Variants in CES4A observed in about 807,000 individuals in gnomAD.
The protein encoded by CES4A is carboxylesterase 6.
A neutral mutation model predicts 65.4 loss-of-function variants in CES4A; 48 were observed. The ratio of observed to expected loss-of-function variants is 0.73; its 90% CI spans 0.58 to 0.93. The LOEUF is 0.93. Ranked by LOEUF, CES4A falls within the 40% of genes least tolerant of loss-of-function variation. CES4A has a pLI of 0.00. For missense variants in CES4A, 685 were observed against 728.5 expected (o/e 0.94, Z 0.69); for synonymous variants, 247 against 281.8 (o/e 0.88, Z 1.24).
At chr16:66,999,341 C>T (rs1191756613) in intron 2 of CES4A, among the ~76,000 whole-genome samples, 1 of 152,134 alleles carries the variant, frequency 6.6e-6, no homozygotes, top group Non-Finnish European at 1.5e-5. Context: ...GTGAGGTGGC[C>T]GGAGAGCCCA....
downstream of CES4A, among the ~76,000 whole-genome samples, chr16:67,010,313 G>A (rs546941696): frequency 8.4e-4 from 127 of 151,866 alleles, no homozygotes; most frequent in Admixed American, 1.3e-3. Flanking sequence ...TAATCCACCC[G>A]TCTCAGCCTG....
rs1965367367 is a variant in CES4A at position 67,001,688 on chromosome 16, G to A, written c.690+227G>A. Among the ~76,000 whole-genome samples the A allele has an allele frequency of 6.6e-6, 1 of 152,262 alleles. No individual in the cohort carries two copies. Among genetic ancestry groups the A allele is most frequent in the African/African-American group, 2.4e-5 (1 of 41,470 alleles). On this transcript the variant is annotated intron_variant, in intron 5 of 13. Transcript: ENST00000648724. The surrounding 1 kb of genome is among the most constrained non-coding windows in gnomAD (Gnocchi z 4.1). ...TGAGCCCCAGGAAGGGTAGTGCTGA[G>A]GCTTGGGGTAATCAGTGAATCCAGG...
downstream of CES4A, chr16:67,009,898 T>G (rs140797294): frequency 7.1e-3 from 1,086 of 152,322 alleles, 7 homozygotes; most frequent in Non-Finnish European, 0.01. Context: ...TACAAAACAC[T>G]TGCCTTTTGC....
chr16:66,997,209 A>G (rs1964924843), intron 2 of CES4A, among the ~76,000 whole-genome samples: 1 of 152,190 alleles, frequency 6.6e-6, no homozygotes, highest in African/African-American at 2.4e-5. Flanking sequence ...TAGAATCCCA[A>G]AGATCAGGTG....
At chr16:66,989,653 T>C (rs1964219171) in intron 1 of CES4A, among the ~76,000 whole-genome samples, 2 of 151,610 alleles carry the variant, frequency 1.3e-5, no homozygotes, top group South Asian at 4.2e-4. Context: ...AGGTCAGGAG[T>C]TTGAGACCAG....
exon 12 of CES4A, chr16:67,006,404 T>C: frequency 6.5e-7 from 1 of 1,536,616 alleles, no homozygotes; most frequent in Non-Finnish European, 8.7e-7. Context: ...CCGGCCTCCC[T>C]GTCTACCTGT....
At chr16:66,993,611 T>G (rs1181341937) in intron 1 of CES4A, among the ~76,000 whole-genome samples, 1 of 152,162 alleles carries the variant, frequency 6.6e-6, no homozygotes, top group African/African-American at 2.4e-5. Flanking sequence ...CCCAAAGTGC[T>G]GGGATTATAG....
Position 67,001,166 on chromosome 16 carries a change from T to C in CES4A, c.537-142T>C, listed in dbSNP as rs1965308129. On this transcript the variant is annotated intron_variant, in intron 4 of 13. Transcript: ENST00000648724. This position sits in a 1 kb window ranked among gnomAD's most constrained non-coding sequence, Gnocchi z 4.1. ...TCCATACCATCTGGATGGGGCGAGC[T>C]AACTCCAAGGAAGGGGGTGTGGTCG... 5 of 1,363,710 alleles carry C rather than the reference T, an allele frequency of 3.7e-6. 1 individual carries two copies. The East Asian group carries it at 1.3e-4, about 34-fold the overall frequency. The allele number at this position is 1,363,710 out of a possible 1,614,324, so 84.5% of individuals were successfully genotyped here. A position where few individuals can be genotyped will look rare whatever the true frequency, so the allele number is the denominator to read the frequency against.
chr16:66,993,787 TG>T (rs1243310731), intron 1 of CES4A, among the ~76,000 whole-genome samples: 1 of 152,150 alleles, frequency 6.6e-6, no homozygotes. Flanking sequence ...AGAAACATGC[TG>T]GGCTAATGTT....
chr16:66,994,330 G>T (rs1328193873), intron 1 of CES4A, among the ~76,000 whole-genome samples: 9 of 147,798 alleles, frequency 6.1e-5, no homozygotes, highest in Non-Finnish European at 1.3e-4. Flanking sequence ...TCCGCTCCTG[G>T]GTTCAAGCAA....
Position 67,004,023 on chromosome 16 carries a change from G to T in CES4A, c.940-61G>T, listed in dbSNP as rs564773944. 7 of 1,591,950 alleles carry T rather than the reference G, an allele frequency of 4.4e-6. No individual in the cohort carries two copies. In the Admixed American group the frequency reaches 5.0e-5, roughly 11 times the overall value. ...AGCAGCCTCTGAAGGGGCACCCAAGGTTGCAGGGACCCTGGGAGGATACTT... is the reference window on the plus strand; with the variant it reads ...AGCAGCCTCTGAAGGGGCACCCAAGTTTGCAGGGACCCTGGGAGGATACTT... On this transcript the variant is annotated intron_variant, in intron 8 of 13. Coordinates refer to ENST00000648724, the Ensembl canonical transcript of CES4A.
rs57562021 is a variant in CES4A at position 66,997,948 on chromosome 16, AACACACACACACACACACAC to A, written c.260+2151_260+2170del. Among the ~76,000 whole-genome samples the A allele has an allele frequency of 3.3e-3, 418 of 127,380 alleles. 1 individual carries two copies. Among genetic ancestry groups the A allele is most frequent in the Middle Eastern group, 0.019 (5 of 270 alleles). 83.6% of individuals were successfully genotyped at this position (127,380 alleles called of 152,430 possible). ...AGAGACAGAGTGAGACCCTATCTAAAACACACACACACACACACACACACACACACACACACACACACACA... is the reference window on the plus strand; with the variant it reads ...AGAGACAGAGTGAGACCCTATCTAAAACACACACACACACACACACACACA... On this transcript the variant is annotated intron_variant, in intron 2 of 13. Coordinates refer to ENST00000648724, the Ensembl canonical transcript of CES4A.
In CES4A at chr16:67,005,068, C is replaced by G. The variant is rs570025002; in HGVS notation, c.1162-172C>G. ...CAGGGTCACAGGGGCAGTTATGCAG[C>G]AAAATCAGGGGTTACAATCAGCAGA... On this transcript the variant is annotated intron_variant, in intron 10 of 13. Transcript: ENST00000648724. The G allele has an allele frequency of 7.6e-6, 6 of 792,656 alleles. No individual in the cohort carries two copies. The East Asian group carries it at 1.2e-4, about 16-fold the overall frequency. 49.1% of individuals were successfully genotyped at this position (792,656 alleles called of 1,614,324 possible).
rs1156371051 is a variant in CES4A at position 67,000,706 on chromosome 16, T to G, written c.329T>G (p.Leu110Arg). ...AGCACGCGGGAACGGTACAAGTGGC[T>G]GCGCTTCAGCGAGGACTGTCTGTAC... Residue 110 changes from leucine (L) to arginine (R), a missense_variant, in exon 3 of 14, where the codon CTG becomes CGG. Leu to Arg is a moderately radical substitution (Grantham distance 102, BLOSUM62 -2). Transcript: ENST00000648724. The surrounding 1 kb of genome is among the most constrained non-coding windows in gnomAD (Gnocchi z 4.2). 3 of 1,550,406 alleles carry G rather than the reference T, an allele frequency of 1.9e-6. No individual in the cohort carries two copies. Among genetic ancestry groups the G allele is most frequent in the Non-Finnish European group, 2.6e-6 (3 of 1,147,338 alleles).
At chr16:67,010,069 T>G (rs999866466), downstream of CES4A, among the ~76,000 whole-genome samples, 2 of 150,814 alleles carry the variant, frequency 1.3e-5, no homozygotes, top group East Asian at 1.9e-4. Context: ...TGTGGGGTTT[T>G]TTTTTTTTTT....
chr16:67,009,225 G>A, exon 14 of CES4A: 1 of 1,360,682 alleles, frequency 7.3e-7, no homozygotes, highest in South Asian at 1.4e-5. Flanking sequence ...ACATACCTGG[G>A]GACAAGAGTT....
rs1965356504 is a variant in CES4A, at chr16:67,001,552, TGCGTGTACA to T, written c.690+93_690+101del. 1 of 1,427,074 alleles carries T rather than the reference TGCGTGTACA, an allele frequency of 7.0e-7. No individual in the cohort carries two copies. The highest frequency in any genetic ancestry group is 9.4e-7 in the Non-Finnish European group (1 of 1,059,178). 88.4% of individuals were successfully genotyped at this position (1,427,074 alleles called of 1,614,324 possible). A position where few individuals can be genotyped will look rare whatever the true frequency, so the allele number is the denominator to read the frequency against. On this transcript the variant is annotated intron_variant, in intron 5 of 13. Transcript: ENST00000648724. The surrounding 1 kb of genome is among the most constrained non-coding windows in gnomAD (Gnocchi z 4.1). ...CCACTGCACAGGCCATGTGCAGATT[TGCGTGTACA>T]GGAACGTGCCTGCCACAGAAATGCT...
exon 14 of CES4A, chr16:67,009,232 AG>A (rs1389603311): frequency 1.5e-6 from 2 of 1,290,442 alleles, no homozygotes; most frequent in Middle Eastern, 2.7e-4. Context: ...TGGGGACAAG[AG>A]TTCTACCCAC....
intron 13 of CES4A, chr16:67,007,018 G>T (rs1965819291): frequency 5.2e-6 from 3 of 575,514 alleles, no homozygotes; most frequent in Non-Finnish European, 9.3e-6. Context: ...CTTGATCCAT[G>T]ACCCACACTC....
Sources: allele counts gnomAD v4.1 joint callset (sites outside exome capture counted in the v4.1 genomes callset), GRCh38; gene constraint gnomAD v4.1.1; non-coding constraint Gnocchi (gnomAD v3.1); transcripts MANE v1.5; gene names NCBI Gene and HGNC (gene_info 2026-07-23, HGNC 2026-07-21).